The following ANOS1 variants were observed in gnomAD, a reference collection of about 807,000 sequenced individuals.
ANOS1 encodes anosmin-1.
In ANOS1, 6 loss-of-function variants were observed where a neutral mutation model predicts 59.0. The ratio of observed to expected loss-of-function variants is 0.10; its 90% CI spans 0.06 to 0.20. The LOEUF is 0.20. Among genes scored for constraint, ANOS1 ranks in the 10% least tolerant of loss-of-function variants. The pLI, the probability that ANOS1 is intolerant of heterozygous loss-of-function variation, is 1.00. For synonymous variants in ANOS1, 217 were observed against 223.4 expected, an observed-to-expected ratio of 0.97 and a Z score of 0.25; for missense variants, 433 against 542.3, an observed-to-expected ratio of 0.80 and a Z score of 2.00.
At chrX:8,668,138 G>C (rs928984520) in intron 2 of ANOS1, among the ~76,000 whole-genome samples, 11 of 107,830 alleles carry the variant, frequency 1.0e-4, no homozygotes, top group African/African-American at 3.0e-4. Context: ...CATCACCCGA[G>C]CAGTATACAC....
intron 2 of ANOS1, among the ~76,000 whole-genome samples, chrX:8,642,634 G>T (rs1307353999): frequency 9.0e-6 from 1 of 111,723 alleles, no homozygotes; most frequent in African/African-American, 3.2e-5. Context: ...CAAATAGATT[G>T]TAAGTTAAAA....
intron 2 of ANOS1, among the ~76,000 whole-genome samples, chrX:8,660,674 T>G (rs1006805829): frequency 8.9e-6 from 1 of 112,021 alleles, no homozygotes; most frequent in Non-Finnish European, 1.9e-5. Context: ...AACTATGATA[T>G]AATCTTGTTG....
At chrX:8,729,712 T>TAAAAAAAAAAAAAAAA (rs1173021674) in intron 1 of ANOS1, among the ~76,000 whole-genome samples, 3 of 63,087 alleles carry the variant, frequency 4.8e-5, no homozygotes, top group African/African-American at 1.8e-4. Context: ...TTCTAATTAT[T>TAAAAAAAAAAAAAAAA]AAAAAAAAAA....
chrX:8,554,560 TTTTTTTTTTTG>T (rs1260993495), intron 8 of ANOS1, among the ~76,000 whole-genome samples: 3 of 100,138 alleles, frequency 3.0e-5, no homozygotes, highest in Non-Finnish European at 6.1e-5. Context: ...TTTTTTTTTT[TTTTTTTTTTTG>T]TTGTTGTTGT....
At chrX:8,674,974 C>T (rs1932313558) in intron 2 of ANOS1, among the ~76,000 whole-genome samples, 1 of 111,588 alleles carries the variant, frequency 9.0e-6, no homozygotes, top group South Asian at 3.8e-4. Context: ...GTCTTCTTTC[C>T]ACACAATCAA....
At chrX:8,578,464 G>A (rs1016591461) in intron 6 of ANOS1, among the ~76,000 whole-genome samples, 1 of 111,614 alleles carries the variant, frequency 9.0e-6, no homozygotes, top group South Asian at 3.7e-4. Flanking sequence ...AGAGTAAAAA[G>A]TCATGGGTCC....
At chrX:8,605,245 T>C (rs1187150315) in intron 3 of ANOS1, among the ~76,000 whole-genome samples, 3 of 110,035 alleles carry the variant, frequency 2.7e-5, no homozygotes, top group East Asian at 2.8e-4. Context: ...AAGGGTCTGA[T>C]TCCAAATTTC....
At chrX:8,703,594 G>A (rs894889477) in intron 1 of ANOS1, among the ~76,000 whole-genome samples, 5 of 111,303 alleles carry the variant, frequency 4.5e-5, no homozygotes, top group African/African-American at 1.6e-4. Flanking sequence ...CAACACAACA[G>A]GAAAAGCCAC....
intron 2 of ANOS1, among the ~76,000 whole-genome samples, chrX:8,689,926 A>C (rs1160207057): frequency 3.6e-5 from 4 of 111,837 alleles, no homozygotes; most frequent in Non-Finnish European, 7.5e-5. Flanking sequence ...AATCATGCTA[A>C]TATAATATTG....
chrX:8,631,812 A>G (rs1450046616), intron 2 of ANOS1, among the ~76,000 whole-genome samples: 1 of 112,142 alleles, frequency 8.9e-6, no homozygotes. Flanking sequence ...TACAGCTTCC[A>G]GATTTGAAAA....
At chrX:8,694,661 T>C in intron 2 of ANOS1, among the ~76,000 whole-genome samples, 1 of 111,994 alleles carries the variant, frequency 8.9e-6, no homozygotes, top group African/African-American at 3.2e-5. Context: ...AGAGCGAAAT[T>C]CCATCTCAAA....
At chrX:8,682,307 A>G (rs1305443763) in intron 2 of ANOS1, among the ~76,000 whole-genome samples, 4 of 109,679 alleles carry the variant, frequency 3.6e-5, no homozygotes, top group Admixed American at 2.9e-4. Context: ...CAGAGAAGAA[A>G]AAAAAAAAAA....
At chrX:8,616,480 C>T (rs1249787426) in intron 3 of ANOS1, among the ~76,000 whole-genome samples, 1 of 111,404 alleles carries the variant, frequency 9.0e-6, no homozygotes, top group East Asian at 2.8e-4. Context: ...GTTCTTTCAG[C>T]CTAGAACTCT....
intron 2 of ANOS1, among the ~76,000 whole-genome samples, chrX:8,645,249 G>A (rs965934982): frequency 8.9e-6 from 1 of 112,449 alleles, no homozygotes; most frequent in African/African-American, 3.2e-5. Context: ...GTGCAACATC[G>A]ACGAAGGGAG....
At chrX:8,695,366 A>G (rs924341752) in intron 2 of ANOS1, among the ~76,000 whole-genome samples, 2 of 112,174 alleles carry the variant, frequency 1.8e-5, no homozygotes, top group Admixed American at 1.9e-4. Context: ...AACTGTGTTT[A>G]GATGTCAGTT....
intron 2 of ANOS1, among the ~76,000 whole-genome samples, chrX:8,666,916 G>C (rs1213271692): frequency 8.9e-6 from 1 of 111,933 alleles, no homozygotes; most frequent in Non-Finnish European, 1.9e-5. Context: ...ATCACCCCAT[G>C]AGGGGAAACT....
At chrX:8,549,654 C>T (rs180861502) in intron 9 of ANOS1, among the ~76,000 whole-genome samples, 172 of 112,299 alleles carry the variant, frequency 1.5e-3, no homozygotes, top group African/African-American at 5.4e-3. Context: ...CGTAAGAATC[C>T]TCACACTGAA....
chrX:8,674,653 G>A, intron 2 of ANOS1, among the ~76,000 whole-genome samples: 1 of 112,310 alleles, frequency 8.9e-6, no homozygotes, highest in South Asian at 3.7e-4. Flanking sequence ...AATTTGTGTT[G>A]GGCCGCATTC....
chrX:8,637,354 T>G (rs1431365471), intron 2 of ANOS1, among the ~76,000 whole-genome samples: 1 of 112,413 alleles, frequency 8.9e-6, no homozygotes, highest in African/African-American at 3.2e-5. Context: ...CTTGTTGTTT[T>G]GCATTTTACA....
Sources: allele counts gnomAD v4.1 joint callset (sites outside exome capture counted in the v4.1 genomes callset), GRCh38; gene constraint gnomAD v4.1.1; transcripts MANE v1.5; gene names NCBI Gene and HGNC (gene_info 2026-07-23, HGNC 2026-07-21).